Variants in SYNJ1 observed in about 807,000 individuals in gnomAD.
SYNJ1 encodes the protein synaptojanin 1.
In SYNJ1, 78 loss-of-function variants were observed where a neutral mutation model predicts 168.2. The observed-to-expected ratio is 0.46, with a 90% CI of 0.39 to 0.56. The LOEUF is 0.56. SYNJ1 is among the 20% of genes least tolerant of loss of function. The probability of loss-of-function intolerance (pLI) is 0.00; values close to 1 mark genes in which losing one functional copy is unlikely to be tolerated. For synonymous variants in SYNJ1, 539 were observed against 548.6 expected, an observed-to-expected ratio of 0.98 and a Z score of 0.24; for missense variants, 1,303 against 1,597.6, an observed-to-expected ratio of 0.82 and a Z score of 3.14.
intron 10 of SYNJ1, among the ~76,000 whole-genome samples, chr21:32,682,769 G>A (rs150938953): frequency 0.011 from 1,622 of 152,126 alleles, 12 homozygotes; most frequent in Non-Finnish European, 0.018. Flanking sequence ...ACTAACATCT[G>A]TTATAATTTT....
intron 8 of SYNJ1, among the ~76,000 whole-genome samples, chr21:32,686,228 T>C (rs2041833206): frequency 6.6e-6 from 1 of 152,198 alleles, no homozygotes; most frequent in African/African-American, 2.4e-5. Context: ...GATTCATATT[T>C]TATAACTTCA....
At position 32,631,245 on chromosome 21, in the gene SYNJ1, C is replaced by T. The variant is rs1200812997; in HGVS notation, c.*560G>A. ...AGCTGACTTTGACTTCCCTTTCACA[C>T]CAAAATCCTCTTCTTCCTCGAAGGT... On this transcript the variant is annotated 3_prime_UTR_variant, in exon 33 of 33. Coordinates refer to ENST00000674351, the MANE Select transcript of SYNJ1 (RefSeq NM_203446.3). 6 of 1,614,220 alleles carry T rather than the reference C, an allele frequency of 3.7e-6. No homozygotes were observed. The highest frequency in any genetic ancestry group is 5.1e-6 in the Non-Finnish European group (6 of 1,180,032).
intron 2 of SYNJ1, among the ~76,000 whole-genome samples, chr21:32,710,723 T>A (rs1373471303): frequency 6.6e-6 from 1 of 152,104 alleles, no homozygotes; most frequent in Non-Finnish European, 1.5e-5. Context: ...AAGGGACTTG[T>A]AAGTCCTACA....
intron 18 of SYNJ1, among the ~76,000 whole-genome samples, chr21:32,659,030 T>C (rs943382963): frequency 4.6e-5 from 7 of 151,784 alleles, no homozygotes; most frequent in African/African-American, 1.7e-4. Context: ...GGTAATGTGG[T>C]GCCCAAAGAT....
intron 32 of SYNJ1, 24 bp downstream of exon 32, chr21:32,634,837 T>A: frequency 6.2e-7 from 1 of 1,612,954 alleles, no homozygotes; most frequent in South Asian, 1.1e-5. Context: ...AAAACACATG[T>A]AAGATTGATA....
intron 8 of SYNJ1, among the ~76,000 whole-genome samples, 168 bp downstream of exon 8, chr21:32,686,810 A>G (rs1010723314): frequency 6.6e-6 from 1 of 152,260 alleles, no homozygotes; most frequent in Non-Finnish European, 1.5e-5. Context: ...ACATTAGCCT[A>G]AATTGTTTCT....
upstream of SYNJ1, chr21:32,728,044 GC>G: frequency 6.5e-7 from 1 of 1,529,814 alleles, no homozygotes; most frequent in Non-Finnish European, 8.7e-7. Flanking sequence ...TCCGCATTGC[GC>G]CGCGGCCGGG....
Position 32,634,821 on chromosome 21 carries a change from C to T in SYNJ1, c.*3+40G>A, listed in dbSNP as rs182982736. 1.2e-4 allele frequency: 200 copies of T among 1,607,246 alleles called. 1 individual carries two copies. The African/African-American group carries it at 1.6e-3, about 13-fold the overall frequency. On this transcript the variant is annotated intron_variant, in intron 32 of 32. Transcript: ENST00000674351. ...GATTCATACATCTAATGTGTTGAGA[C>T]GGATGAAAACACATGTAAGATTGAT...
At chr21:32,663,864 G>A (rs896868514) in intron 18 of SYNJ1, among the ~76,000 whole-genome samples, 1 of 152,192 alleles carries the variant, frequency 6.6e-6, no homozygotes, top group Non-Finnish European at 1.5e-5. Context: ...AAAATAGATT[G>A]GCTCTCGACT....
intron 2 of SYNJ1, among the ~76,000 whole-genome samples, chr21:32,716,848 G>A (rs2043041207): frequency 6.6e-6 from 1 of 151,848 alleles, no homozygotes; most frequent in South Asian, 2.1e-4. Flanking sequence ...TTTTCTCTCT[G>A]TATTTTATTT....
At chr21:32,664,095 T>C (rs2040824884) in intron 18 of SYNJ1, among the ~76,000 whole-genome samples, 1 of 152,262 alleles carries the variant, frequency 6.6e-6, no homozygotes, top group Non-Finnish European at 1.5e-5. Context: ...ATAGGAGTTA[T>C]AATAGTAATA....
rs746463999 is a variant in SYNJ1 at position 32,726,885 on chromosome 21, C to T, written c.11G>A (p.Ser4Asn). The change falls in exon 2 of 33, where the codon AGT (serine) becomes AAT (asparagine). Residue 4 changes from serine to asparagine, a missense_variant. Ser to Asn is a conservative substitution (Grantham distance 46). Around this residue, in one of 2 missense-constraint regions of SYNJ1, gnomAD observed 920 missense variants for 1,208.8 expected, o/e 0.76. Coordinates refer to ENST00000674351, the MANE Select transcript of SYNJ1 (RefSeq NM_203446.3). ...TTTGTGATAGATCCGGAATCCTTTA[C>T]TGAACGCCATTCTCCTTTCTTCGGA... Reference protein sequence around the residue: MAFSKGFRIYHKLD... With the variant: MAFNKGFRIYHKLD... 5.0e-6 allele frequency: 8 copies of T among 1,614,104 alleles called. No individual in the cohort carries two copies. Among genetic ancestry groups the T allele is most frequent in the Non-Finnish European group, 6.8e-6 (8 of 1,180,014 alleles).
At chr21:32,647,010 G>T (rs1045896555) in intron 23 of SYNJ1, among the ~76,000 whole-genome samples, 1 of 152,062 alleles carries the variant, frequency 6.6e-6, no homozygotes, top group Non-Finnish European at 1.5e-5. Context: ...AAGCTCTCAG[G>T]AGCCACACAG....
At chr21:32,705,738 C>T (rs544695809) in intron 2 of SYNJ1, among the ~76,000 whole-genome samples, 2 of 152,140 alleles carry the variant, frequency 1.3e-5, no homozygotes, top group South Asian at 2.1e-4. Flanking sequence ...GTAATCCCAG[C>T]ACTTCGGGAA....
At chr21:32,718,404 C>T (rs1261921860) in intron 2 of SYNJ1, among the ~76,000 whole-genome samples, 2 of 152,130 alleles carry the variant, frequency 1.3e-5, no homozygotes, top group Non-Finnish European at 2.9e-5. Flanking sequence ...TAAATACGTA[C>T]ATTCCTCAGA....
intron 6 of SYNJ1, among the ~76,000 whole-genome samples, chr21:32,689,581 C>T (rs1307186493): frequency 6.6e-6 from 1 of 152,266 alleles, no homozygotes; most frequent in Non-Finnish European, 1.5e-5. Context: ...AGGCATGAGC[C>T]ACCGCGCCCC....
At chr21:32,722,203 A>ATATAT (rs1214320010) in intron 2 of SYNJ1, among the ~76,000 whole-genome samples, 19 of 88,680 alleles carry the variant, frequency 2.1e-4, no homozygotes, top group South Asian at 1.1e-3. Flanking sequence ...AAAAAAAAAA[A>ATATAT]AAATATATAT....
At chr21:32,691,438 ACTT>A (rs2042023497) in intron 6 of SYNJ1, among the ~76,000 whole-genome samples, 1 of 152,158 alleles carries the variant, frequency 6.6e-6, no homozygotes, top group African/African-American at 2.4e-5. Flanking sequence ...AGCCAATTAA[ACTT>A]CTTTCTTCAT....
intron 29 of SYNJ1, among the ~76,000 whole-genome samples, chr21:32,641,302 A>G (rs184130249): frequency 2.6e-5 from 4 of 152,292 alleles, no homozygotes. Context: ...TACCTGTTAT[A>G]GTCCAGAGAA....
Sources: allele counts gnomAD v4.1 joint callset (sites outside exome capture counted in the v4.1 genomes callset), GRCh38; gene constraint gnomAD v4.1.1; regional missense constraint gnomAD v4.1.1; transcripts MANE v1.5; gene names NCBI Gene and HGNC (gene_info 2026-07-23, HGNC 2026-07-21).